The following FDX1 variants were observed in gnomAD, a reference collection of about 807,000 sequenced individuals.
FDX1 encodes the protein ferredoxin 1, also known as adrenodoxin, mitochondrial.
FDX1 carries 9 observed loss-of-function variants against 14.9 expected under a neutral mutation model. The observed-to-expected ratio is 0.60, with a 90% CI of 0.36 to 1.05. The LOEUF (loss-of-function observed/expected upper bound fraction) is 1.05, where lower values mean the gene tolerates loss of function less well. Ranked by LOEUF, FDX1 falls within the 50% of genes least tolerant of loss-of-function variation. The pLI is 0.01. For missense variants in FDX1, 204 were observed against 237.2 expected, an observed-to-expected ratio of 0.86 and a Z score of 0.92; for synonymous variants, 92 against 99.4, an observed-to-expected ratio of 0.93 and a Z score of 0.44.
chr11:110,450,023 C>G (rs1340420899), intron 2 of FDX1, among the ~76,000 whole-genome samples: 1 of 152,182 alleles, frequency 6.6e-6, no homozygotes, highest in African/African-American at 2.4e-5. Flanking sequence ...CCACTCCCAT[C>G]TGCTGGTAAC....
intron 2 of FDX1, among the ~76,000 whole-genome samples, chr11:110,445,710 C>G (rs955996913): frequency 1.3e-5 from 2 of 152,088 alleles, no homozygotes; most frequent in Non-Finnish European, 2.9e-5. Context: ...GCTTTGTGAC[C>G]TTGGGTTGGG....
intron 2 of FDX1, among the ~76,000 whole-genome samples, chr11:110,439,863 A>G (rs1468428453): frequency 6.6e-6 from 1 of 152,176 alleles, no homozygotes; most frequent in Admixed American, 6.5e-5. Flanking sequence ...ATACAGTGAT[A>G]GGTAGGGGTC....
chr11:110,430,359 G>T, intron 1 of FDX1, 54 bp downstream of exon 1: 1 of 1,124,624 alleles, frequency 8.9e-7, no homozygotes, highest in South Asian at 4.4e-5. Flanking sequence ...CCCGGTGGGT[G>T]GCGCCTGGCT....
intron 3 of FDX1, among the ~76,000 whole-genome samples, chr11:110,461,496 TAA>T (rs59467093): frequency 0.19 from 20,382 of 106,090 alleles, 1,649 homozygotes; most frequent in East Asian, 0.27. Context: ...GACCCTGTCT[TAA>T]AAAAAAAAAA....
intron 2 of FDX1, 91 bp from the exon 3 acceptor site, chr11:110,456,827 G>A: frequency 1.4e-6 from 2 of 1,396,186 alleles, no homozygotes; most frequent in East Asian, 4.8e-5. Flanking sequence ...GTATTCTAAT[G>A]CTGATTCTAA....
At chr11:110,461,807 G>A (rs1056007092) in intron 3 of FDX1, among the ~76,000 whole-genome samples, 1 of 152,182 alleles carries the variant, frequency 6.6e-6, no homozygotes, top group African/African-American at 2.4e-5. Context: ...AGCAGTGATT[G>A]TAAGATTCCA....
rs1034066738 is a variant in FDX1, at chr11:110,436,059, C to G, written c.310+101C>G. 5 of 982,704 alleles carry G rather than the reference C, an allele frequency of 5.1e-6. No homozygotes were observed. The Admixed American group carries it at 1.2e-4, about 23-fold the overall frequency. The allele number at this position is 982,704 out of a possible 1,614,324, so 60.9% of individuals were successfully genotyped here. ...TTGAAGAAGTTTAACCTATAGCATG[C>G]TATGTAAAATATTAACATTCAGGAT... On this transcript the variant is annotated intron_variant, in intron 2 of 3. Coordinates refer to ENST00000260270, the MANE Select transcript of FDX1 (RefSeq NM_004109.5).
intron 3 of FDX1, among the ~76,000 whole-genome samples, chr11:110,457,845 T>A (rs907405298): frequency 1.3e-5 from 2 of 152,208 alleles, no homozygotes; most frequent in Admixed American, 6.5e-5. Flanking sequence ...CACAAACATT[T>A]TCAGGTCATT....
At position 110,462,636 on chromosome 11, in the gene FDX1, C is replaced by A; in HGVS notation, c.*168C>A. 1 of 389,070 alleles carries A rather than the reference C, an allele frequency of 2.6e-6. No homozygotes were observed. Among genetic ancestry groups the A allele is most frequent in the Non-Finnish European group, 4.5e-6 (1 of 219,888 alleles). 24.1% of individuals were successfully genotyped at this position (389,070 alleles called of 1,614,324 possible). ...GAATTTTGTCATTCTTGAAAGTATG[C>A]AATTTTTATTTTGGTTATATTACAA... On this transcript the variant is annotated 3_prime_UTR_variant, in exon 4 of 4. Coordinates refer to ENST00000260270, the MANE Select transcript of FDX1 (RefSeq NM_004109.5).
At chr11:110,430,819 C>T (rs572109090) in intron 1 of FDX1, among the ~76,000 whole-genome samples, 2 of 152,208 alleles carry the variant, frequency 1.3e-5, no homozygotes, top group Non-Finnish European at 2.9e-5. Flanking sequence ...AGAATACACC[C>T]AGCCCATACC....
intron 2 of FDX1, among the ~76,000 whole-genome samples, chr11:110,447,798 T>C (rs10891112): frequency 0.28 from 42,543 of 152,070 alleles, 6,040 homozygotes; most frequent in East Asian, 0.37. Context: ...AGTGGTTCTC[T>C]TGTTACCCTG....
chr11:110,438,035 C>T (rs1946381969), intron 2 of FDX1, among the ~76,000 whole-genome samples: 1 of 152,178 alleles, frequency 6.6e-6, no homozygotes, highest in Non-Finnish European at 1.5e-5. Flanking sequence ...CCACCATTGA[C>T]AGGCACCCAG....
At chr11:110,440,010 C>G (rs1388063356) in intron 2 of FDX1, among the ~76,000 whole-genome samples, 1 of 152,050 alleles carries the variant, frequency 6.6e-6, no homozygotes, top group Non-Finnish European at 1.5e-5. Flanking sequence ...TTTTTCGGGT[C>G]TCTATTCTGT....
At chr11:110,452,917 G>A (rs988060153) in intron 2 of FDX1, among the ~76,000 whole-genome samples, 3 of 152,190 alleles carry the variant, frequency 2.0e-5, no homozygotes, top group Admixed American at 6.5e-5. Flanking sequence ...TGGTTACCAG[G>A]GGTTAGGGAT....
chr11:110,454,806 A>G (rs1042586573), intron 2 of FDX1, among the ~76,000 whole-genome samples: 1 of 152,192 alleles, frequency 6.6e-6, no homozygotes. Context: ...AAACTGAGAC[A>G]TGGAAGGTAA....
At chr11:110,450,069 T>G (rs1946476706) in intron 2 of FDX1, among the ~76,000 whole-genome samples, 2 of 152,264 alleles carry the variant, frequency 1.3e-5, no homozygotes, top group South Asian at 4.1e-4. Context: ...GCCCCCAACC[T>G]TTTTGGCACT....
Position 110,429,989 on chromosome 11 carries a change from C to T in FDX1, c.-132C>T. ...CGGTGCTTCCAGCAGGGTCTCTCCG[C>T]CACTCCAGCCCCGCGCCCCTCGCCG... On this transcript the variant is annotated 5_prime_UTR_variant, in exon 1 of 4. Coordinates refer to ENST00000260270, the MANE Select transcript of FDX1 (RefSeq NM_004109.5). 1.9e-6 allele frequency: 1 copy of T among 538,046 alleles called. No homozygotes were observed. Among genetic ancestry groups the T allele is most frequent in the East Asian group, 4.1e-5 (1 of 24,152 alleles). 33.3% of individuals were successfully genotyped at this position (538,046 alleles called of 1,614,324 possible). A position where few individuals can be genotyped will look rare whatever the true frequency, so the allele number is the denominator to read the frequency against.
intron 1 of FDX1, among the ~76,000 whole-genome samples, chr11:110,433,427 T>G (rs1339021394): frequency 6.6e-6 from 1 of 152,132 alleles, no homozygotes; most frequent in African/African-American, 2.4e-5. Flanking sequence ...GAGCTGGAAA[T>G]CCCAATGTTT....
chr11:110,447,647 C>CT (rs1172721250), intron 2 of FDX1, among the ~76,000 whole-genome samples: 1 of 151,900 alleles, frequency 6.6e-6, no homozygotes, highest in African/African-American at 2.4e-5. Context: ...AAATTCCTAC[C>CT]TTTGAGACTT....
Sources: gnomAD v4.1 joint callset for allele counts (sites outside exome capture counted in the v4.1 genomes callset) on GRCh38, gnomAD v4.1.1 for gene constraint, MANE v1.5 for transcripts, NCBI Gene and HGNC (gene_info 2026-07-23, HGNC 2026-07-21) for gene names.